PACS2: variants seen among roughly 807,000 people sequenced by gnomAD.
The protein encoded by PACS2 is phosphofurin acidic cluster sorting protein 2.
In PACS2, 36 loss-of-function variants were observed where a neutral mutation model predicts 113.0. The ratio of observed to expected loss-of-function variants is 0.32; its 90% CI spans 0.24 to 0.42. PACS2 has a LOEUF of 0.42. PACS2 is among the 10% of genes least tolerant of loss of function. The pLI is 1.00. For missense variants in PACS2, 1,015 were observed against 1,239.5 expected (o/e 0.82, Z 2.72); for synonymous variants, 589 against 536.1 (o/e 1.10, Z -1.36).
At chr14:105,391,302 G>A (rs1253176536) in intron 21 of PACS2, 53 bp downstream of exon 21, 61 of 1,368,724 alleles carry the variant, frequency 4.5e-5, no homozygotes, top group Non-Finnish European at 6.4e-5. Context: ...TGGGCTGCAG[G>A]AGCACGGTCA....
chr14:105,323,024 G>A lies in PACS2; in HGVS notation c.119+7987G>A, dbSNP rs74090504. Among the ~76,000 whole-genome samples, 944 of 152,308 alleles carry A rather than the reference G, an allele frequency of 6.2e-3. 7 individuals are homozygous for A. The highest frequency in any genetic ancestry group is 0.02 in the African/African-American group (837 of 41,552). On this transcript the variant is annotated intron_variant, in intron 1 of 24. Transcript: ENST00000447393. This position sits in a 1 kb window ranked among gnomAD's most constrained non-coding sequence, Gnocchi z 4.1. Reference sequence around the variant, plus strand: ...CCTGGCTTTGACTTCCAGCTTTGCTGTAAGAGGTCAGCGGCCGTGACAGGC... The same window carrying A: ...CCTGGCTTTGACTTCCAGCTTTGCTATAAGAGGTCAGCGGCCGTGACAGGC...
exon 1 of PACS2, chr14:105,300,874 C>T (rs1351822624): frequency 6.0e-6 from 1 of 168,054 alleles, no homozygotes; most frequent in East Asian, 1.8e-4. Context: ...GGACTGGAGC[C>T]GCGACCTCCC....
chr14:105,363,823 T>G (rs1555407252), intron 4 of PACS2, among the ~76,000 whole-genome samples: 1 of 152,156 alleles, frequency 6.6e-6, no homozygotes, highest in Non-Finnish European at 1.5e-5. Flanking sequence ...AGGTTCTCAT[T>G]GAAAGAGATG....
In PACS2 at chr14:105,333,197, AC is replaced by A. The variant is rs587672806; in HGVS notation, c.120-15291del. Among the ~76,000 whole-genome samples, 330 of 150,944 alleles carry A rather than the reference AC, an allele frequency of 2.2e-3. 1 individual carries two copies. The highest frequency in any genetic ancestry group is 7.3e-3 in the African/African-American group (299 of 41,076). On this transcript the variant is annotated intron_variant, in intron 1 of 24. Transcript: ENST00000447393. ...CTGGCCCTGTTCCCTACCAGTCCCC[AC>A]CCCCTCCTGCTGCATGTGCTCCTGG...
intron 4 of PACS2, among the ~76,000 whole-genome samples, chr14:105,364,510 G>A (rs2060876501): frequency 2.0e-5 from 3 of 149,808 alleles, no homozygotes; most frequent in African/African-American, 7.3e-5. Context: ...GCGGTGGGCG[G>A]TGGCCTGGGT....
chr14:105,378,859 G>A (rs998179365), intron 9 of PACS2, among the ~76,000 whole-genome samples: 1 of 152,246 alleles, frequency 6.6e-6, no homozygotes, highest in Admixed American at 6.5e-5. Flanking sequence ...CAAGGGTCTG[G>A]TTTGTCTGGA....
intron 19 of PACS2, among the ~76,000 whole-genome samples, chr14:105,386,880 C>T (rs2081193897): frequency 6.6e-6 from 1 of 152,192 alleles, no homozygotes; most frequent in African/African-American, 2.4e-5. Context: ...CCCCCAGCAG[C>T]CTCCGCCCTT....
Position 105,393,212 on chromosome 14 carries a change from C to T in PACS2, c.2483-10C>T, listed in dbSNP as rs782054785. 8 of 1,604,564 alleles carry T rather than the reference C, an allele frequency of 5.0e-6. No individual in the cohort carries two copies. The highest frequency in any genetic ancestry group is 6.8e-6 in the Non-Finnish European group (8 of 1,172,432). On this transcript the variant is annotated splice_polypyrimidine_tract_variant and intron_variant, in intron 23 of 24. Coordinates refer to ENST00000447393, the MANE Select transcript of PACS2 (RefSeq NM_001100913.3). Reference sequence around the variant, plus strand: ...GCAAGATGACAGCAGGGCCTCTTTTCTCCTCCCAGTGATGTTTCTGCCCAA... The same window carrying T: ...GCAAGATGACAGCAGGGCCTCTTTTTTCCTCCCAGTGATGTTTCTGCCCAA...
At chr14:105,310,640 C>T (rs1156814411), upstream of PACS2, among the ~76,000 whole-genome samples, 3 of 151,854 alleles carry the variant, frequency 2.0e-5, no homozygotes, top group Non-Finnish European at 4.4e-5. Flanking sequence ...TCCCTTTGCA[C>T]GTTTGGTTTT....
chr14:105,341,092 G>C (rs1225427974), intron 1 of PACS2, among the ~76,000 whole-genome samples: 1 of 152,266 alleles, frequency 6.6e-6, no homozygotes, highest in Non-Finnish European at 1.5e-5. Flanking sequence ...AAGAAACGGG[G>C]CTGGCGGGGA....
chr14:105,310,504 T>A (rs1441013927), upstream of PACS2, among the ~76,000 whole-genome samples: 3 of 117,528 alleles, frequency 2.6e-5, no homozygotes, highest in Admixed American at 3.7e-4. Context: ...CACTCCAGCC[T>A]GGGCGACAGA....
chr14:105,309,056 G>A lies in PACS2; in HGVS notation c.-83+8077G>A, dbSNP rs2058273769. Among the ~76,000 whole-genome samples the A allele has an allele frequency of 6.6e-6, 1 of 152,208 alleles. No individual in the cohort carries two copies. The highest frequency in any genetic ancestry group is 2.4e-5 in the African/African-American group (1 of 41,452). ...ATCCTGCACGAAGAGCACTGAGGTTGAGTGTTGGTTGACACGTGTTGCGGT... is the reference window on the plus strand; with the variant it reads ...ATCCTGCACGAAGAGCACTGAGGTTAAGTGTTGGTTGACACGTGTTGCGGT... On this transcript the variant is annotated intron_variant, in intron 1 of 23. Coordinates refer to the PACS2 transcript ENST00000430725. The surrounding 1 kb of genome is among the most constrained non-coding windows in gnomAD (Gnocchi z 4.0).
At chr14:105,360,670 G>T (rs1209668284) in intron 4 of PACS2, among the ~76,000 whole-genome samples, 6 of 152,108 alleles carry the variant, frequency 3.9e-5, no homozygotes, top group Non-Finnish European at 8.8e-5. Context: ...GTTGCTGAAG[G>T]CTAGGGTGCC....
At chr14:105,389,872 C>A in intron 19 of PACS2, 89 bp from the exon 20 acceptor site, 1 of 1,218,160 alleles carries the variant, frequency 8.2e-7, no homozygotes, top group Non-Finnish European at 1.2e-6. Flanking sequence ...CCCAGGGCTG[C>A]GCCAGGTTCT....
intron 5 of PACS2, 45 bp from the exon 6 acceptor site, chr14:105,368,029 G>A (rs1478864847): frequency 1.3e-5 from 17 of 1,330,764 alleles, no homozygotes; most frequent in African/African-American, 2.9e-5. Context: ...TGGTTTCCCG[G>A]GTGGAATCTC....
rs1231935589 is a variant in PACS2 at position 105,376,783 on chromosome 14, C to G, written c.817C>G (p.Gln273Glu). 4.3e-6 allele frequency: 7 copies of G among 1,612,828 alleles called. No individual in the cohort carries two copies. The highest frequency in any genetic ancestry group is 5.9e-6 in the Non-Finnish European group (7 of 1,179,820). Residue 273 changes from glutamine to glutamate, a missense_variant, in exon 9 of 25, where the codon CAG (glutamine) becomes GAG (glutamate). Physicochemically the swap from Gln to Glu is conservative, Grantham distance 29. Around this residue, in one of 3 missense-constraint regions of PACS2, gnomAD observed 859 missense variants for 1,056.8 expected, o/e 0.81. Coordinates refer to ENST00000447393, the MANE Select transcript of PACS2 (RefSeq NM_001100913.3). The surrounding 1 kb of genome is among the most constrained non-coding windows in gnomAD (Gnocchi z 4.7). ...ACCCGTGCAGGTCCTGGACTCGGAG[C>G]AGGACCCTGCGGAGCACATCCCCGA... ...KVSDEVLDSE[Q>E]DPAEHIPEAE...
At chr14:105,325,942 C>T (rs2059086784) in intron 1 of PACS2, among the ~76,000 whole-genome samples, 1 of 152,242 alleles carries the variant, frequency 6.6e-6, no homozygotes, top group Non-Finnish European at 1.5e-5. Flanking sequence ...TGCATCAGGA[C>T]AGAGGTGACC....
At chr14:105,351,796 G>A (rs782620075) in intron 2 of PACS2, among the ~76,000 whole-genome samples, 3 of 152,138 alleles carry the variant, frequency 2.0e-5, no homozygotes, top group East Asian at 3.8e-4. Flanking sequence ...AGTGAGTTGA[G>A]ATCGAGCCAC....
chr14:105,368,021 G>A, intron 5 of PACS2, 53 bp from the exon 6 acceptor site: 3 of 1,263,330 alleles, frequency 2.4e-6, no homozygotes, highest in Non-Finnish European at 3.5e-6. Flanking sequence ...TCACTGCCTG[G>A]TTTCCCGGGT....
Sources: gnomAD v4.1 joint callset for allele counts (sites outside exome capture counted in the v4.1 genomes callset) on GRCh38, gnomAD v4.1.1 for gene constraint, gnomAD v4.1.1 regional missense constraint, Gnocchi (gnomAD v3.1) non-coding constraint, MANE v1.5 for transcripts, NCBI Gene and HGNC (gene_info 2026-07-23, HGNC 2026-07-21) for gene names.